RSU1: variants seen among roughly 807,000 people sequenced by gnomAD.
The protein encoded by RSU1 is Ras suppressor protein 1.
RSU1 carries 26 observed loss-of-function variants against 31.1 expected under a neutral mutation model. That is an observed-to-expected ratio of 0.84 (90% CI 0.61 to 1.16). The LOEUF (loss-of-function observed/expected upper bound fraction) is 1.16, where lower values mean the gene tolerates loss of function less well. RSU1 is among the 50% of genes most tolerant of loss of function. The probability of loss-of-function intolerance (pLI) is 0.00; values close to 1 mark genes in which losing one functional copy is unlikely to be tolerated. For synonymous variants in RSU1, 164 were observed against 136.3 expected, an observed-to-expected ratio of 1.20 and a Z score of -1.41; for missense variants, 320 against 339.1, an observed-to-expected ratio of 0.94 and a Z score of 0.44.
intron 7 of RSU1, among the ~76,000 whole-genome samples, chr10:16,732,169 T>C (rs564273371): frequency 3.2e-4 from 48 of 152,184 alleles, no homozygotes; most frequent in Non-Finnish European, 6.6e-4. Context: ...ACAGAGACCA[T>C]AGCCTAACAA....
chr10:16,686,219 C>T (rs1178203671), intron 8 of RSU1, among the ~76,000 whole-genome samples: 5 of 152,304 alleles, frequency 3.3e-5, no homozygotes, highest in Middle Eastern at 3.4e-3. Context: ...CAAGTTATTA[C>T]TGTGTAGAGA....
At position 16,642,466 on chromosome 10, in the gene RSU1, A is replaced by G. The variant is rs146648832; in HGVS notation, c.732-48970T>C. Among the ~76,000 whole-genome samples the G allele has an allele frequency of 2.7e-3, 414 of 152,096 alleles. 3 individuals are homozygous for G. Among genetic ancestry groups the G allele is most frequent in the African/African-American group, 9.3e-3 (384 of 41,466 alleles). On this transcript the variant is annotated intron_variant, in intron 8 of 8. Coordinates refer to ENST00000345264, the MANE Select transcript of RSU1 (RefSeq NM_012425.4). The stretch of plus-strand genomic sequence containing the variant: ...GAGTCTCTAACCTTTCCTATCAGTG[A>G]TTTTTCATAGACTGTCTGCTGCATG...
Position 16,815,016 on chromosome 10 carries a change from G to A in RSU1, c.109+1957C>T, listed in dbSNP as rs557745742. ...ACCTGGTGAGAATGAGTGCTGTAGGGAGGAAGGCCATGGGGCCAAGGTTCC... is the reference window on the plus strand; with the variant it reads ...ACCTGGTGAGAATGAGTGCTGTAGGAAGGAAGGCCATGGGGCCAAGGTTCC... On this transcript the variant is annotated intron_variant, in intron 2 of 8. Transcript: ENST00000345264. Among the ~76,000 whole-genome samples the A allele has an allele frequency of 8.9e-4, 135 of 152,394 alleles. 1 individual carries two copies. The highest frequency in any genetic ancestry group is 3.0e-3 in the African/African-American group (124 of 41,592).
intron 8 of RSU1, among the ~76,000 whole-genome samples, chr10:16,593,933 T>C (rs909501302): frequency 3.4e-4 from 52 of 152,234 alleles, no homozygotes; most frequent in Non-Finnish European, 2.4e-4. Context: ...AAATCTGTGC[T>C]GGCTGCTCAC....
intron 8 of RSU1, among the ~76,000 whole-genome samples, chr10:16,603,878 G>A (rs1294219830): frequency 6.6e-6 from 1 of 152,158 alleles, no homozygotes; most frequent in Non-Finnish European, 1.5e-5. Context: ...TAAATATAAG[G>A]AAGTAAGTTA....
chr10:16,666,590 G>A (rs986739039), intron 8 of RSU1, among the ~76,000 whole-genome samples: 1 of 152,050 alleles, frequency 6.6e-6, no homozygotes, highest in Non-Finnish European at 1.5e-5. Flanking sequence ...TTTAAAAATA[G>A]TCCAAAACTA....
chr10:16,675,018 G>A (rs1323387065), intron 8 of RSU1, among the ~76,000 whole-genome samples: 1 of 151,916 alleles, frequency 6.6e-6, no homozygotes, highest in Non-Finnish European at 1.5e-5. Flanking sequence ...GGGCGACAGA[G>A]TGAGACCCTG....
intron 8 of RSU1, among the ~76,000 whole-genome samples, chr10:16,615,996 C>G (rs1024980311): frequency 3.3e-5 from 5 of 152,034 alleles, no homozygotes; most frequent in African/African-American, 1.2e-4. Flanking sequence ...AATTCAAAAG[C>G]TAGCAGAAGA....
chr10:16,711,764 T>G (rs1413965911), intron 7 of RSU1, among the ~76,000 whole-genome samples: 1 of 152,230 alleles, frequency 6.6e-6, no homozygotes, highest in Non-Finnish European at 1.5e-5. Flanking sequence ...TGATAGGATC[T>G]CTATCTCAAA....
intron 8 of RSU1, among the ~76,000 whole-genome samples, chr10:16,655,660 T>C (rs918045853): frequency 2.0e-5 from 3 of 152,224 alleles, no homozygotes; most frequent in Non-Finnish European, 2.9e-5. Flanking sequence ...CTTGTTTTCT[T>C]ATGCTTTGGA....
chr10:16,674,079 G>C (rs551835002), intron 8 of RSU1, among the ~76,000 whole-genome samples: 154 of 152,264 alleles, frequency 1.0e-3, no homozygotes, highest in African/African-American at 3.5e-3. Flanking sequence ...GGGAGGCCTG[G>C]CTGACTCAAA....
intron 2 of RSU1, among the ~76,000 whole-genome samples, chr10:16,784,927 C>T (rs182408518): frequency 3.3e-5 from 5 of 152,176 alleles, no homozygotes; most frequent in Admixed American, 1.3e-4. Context: ...GGAAGTGGGG[C>T]TTTGGGAGGA....
chr10:16,787,895 G>A lies in RSU1; in HGVS notation c.110-5811C>T, dbSNP rs1438440266. Among the ~76,000 whole-genome samples the A allele has an allele frequency of 5.3e-5, 8 of 152,312 alleles. No homozygotes were observed. The East Asian group carries it at 1.4e-3, about 26-fold the overall frequency. On this transcript the variant is annotated intron_variant, in intron 2 of 8. Transcript: ENST00000345264. ...CTTTAGGACTGAATTGTTACAGAAT[G>A]GCACAGAAAGAGGCTAAGGGGAAGA...
At chr10:16,719,487 A>G (rs1251679213) in intron 7 of RSU1, among the ~76,000 whole-genome samples, 4 of 152,100 alleles carry the variant, frequency 2.6e-5, no homozygotes, top group Non-Finnish European at 5.9e-5. Context: ...CTGCTTCCCA[A>G]AACGTAACTT....
intron 2 of RSU1, among the ~76,000 whole-genome samples, chr10:16,802,900 CA>C (rs1170983229): frequency 1.3e-5 from 2 of 152,074 alleles, no homozygotes; most frequent in African/African-American, 2.4e-5. Flanking sequence ...AAAATATCTA[CA>C]AAAAACCTGC....
At chr10:16,771,242 G>T (rs772883072) in intron 3 of RSU1, among the ~76,000 whole-genome samples, 17 of 152,208 alleles carry the variant, frequency 1.1e-4, no homozygotes, top group Non-Finnish European at 1.9e-4. Flanking sequence ...GACCATTTAT[G>T]AGAAAATGGT....
At chr10:16,686,169 A>G (rs1835436537) in intron 8 of RSU1, among the ~76,000 whole-genome samples, 1 of 152,244 alleles carries the variant, frequency 6.6e-6, no homozygotes, top group South Asian at 2.1e-4. Flanking sequence ...TGGCCAGGAT[A>G]AGAAACCAGA....
At chr10:16,609,093 A>ACCT (rs1357302551) in intron 8 of RSU1, among the ~76,000 whole-genome samples, 5 of 152,010 alleles carry the variant, frequency 3.3e-5, no homozygotes, top group Non-Finnish European at 5.9e-5. Flanking sequence ...TTGGCCTGAG[A>ACCT]CCTCCTCCTC....
intron 7 of RSU1, among the ~76,000 whole-genome samples, chr10:16,703,295 T>A (rs998665729): frequency 1.3e-5 from 2 of 152,174 alleles, no homozygotes; most frequent in South Asian, 4.1e-4. Flanking sequence ...GCAGCGTTGG[T>A]TGTGTTAGAG....
Sources: allele counts gnomAD v4.1 joint callset (sites outside exome capture counted in the v4.1 genomes callset), GRCh38; gene constraint gnomAD v4.1.1; transcripts MANE v1.5; gene names NCBI Gene and HGNC (gene_info 2026-07-23, HGNC 2026-07-21).